FARP1: variants seen among roughly 807,000 people sequenced by gnomAD.
FARP1 encodes FERM, ARHGEF and pleckstrin domain-containing protein 1.
Under a neutral mutation model 128.8 loss-of-function variants are expected in FARP1, and 52 were observed. The observed-to-expected ratio is 0.40, with a 90% confidence interval of 0.32 to 0.51. The LOEUF is 0.51. Ranked by LOEUF, FARP1 falls within the 20% of genes least tolerant of loss-of-function variation. FARP1 has a pLI of 0.45. For missense variants in FARP1, 1,333 were observed against 1,367.9 expected (o/e 0.97, Z 0.40); for synonymous variants, 580 against 551.8 (o/e 1.05, Z -0.72).
rs554690999 is a variant in FARP1 at position 98,261,360 on chromosome 13, G to A, written c.171+47947G>A. On this transcript the variant is annotated intron_variant, in intron 2 of 26. Coordinates refer to ENST00000319562, the MANE Select transcript of FARP1 (RefSeq NM_005766.4). Reference sequence around the variant, plus strand: ...GCCCATCCTTGGGGGAAAGAGTGTTGCCTTCCAGAAGGACATCCGGGTGTC... The same window carrying A: ...GCCCATCCTTGGGGGAAAGAGTGTTACCTTCCAGAAGGACATCCGGGTGTC... 1.1e-4 allele frequency among the ~76,000 whole-genome samples: 16 copies of A among 152,154 alleles called. No individual in the cohort carries two copies. In the South Asian group the frequency reaches 2.9e-3, roughly 28 times the overall value.
chr13:98,371,483 T>C (rs1210981095), intron 5 of FARP1, among the ~76,000 whole-genome samples: 1 of 152,168 alleles, frequency 6.6e-6, no homozygotes, highest in Non-Finnish European at 1.5e-5. Context: ...CAGTGTGAAC[T>C]GACATTTAAG....
intron 2 of FARP1, among the ~76,000 whole-genome samples, chr13:98,248,651 C>G (rs971932488): frequency 2.6e-5 from 4 of 152,122 alleles, no homozygotes; most frequent in Admixed American, 6.6e-5. Flanking sequence ...CTTTCCTGGT[C>G]ATTTGTGGAC....
At chr13:98,378,344 A>C (rs1308815580) in intron 6 of FARP1, among the ~76,000 whole-genome samples, 4 of 152,240 alleles carry the variant, frequency 2.6e-5, no homozygotes, top group Non-Finnish European at 5.9e-5. Context: ...TTCAGAATTC[A>C]GTAAACCAAG....
chr13:98,273,105 A>G (rs573992421), intron 2 of FARP1, among the ~76,000 whole-genome samples: 4 of 152,210 alleles, frequency 2.6e-5, no homozygotes, highest in Non-Finnish European at 5.9e-5. Flanking sequence ...ATGAATCAAT[A>G]CAAGGTTAGT....
chr13:98,425,166 A>C (rs75836957), intron 17 of FARP1, among the ~76,000 whole-genome samples: 2,338 of 152,084 alleles, frequency 0.015, 63 homozygotes, highest in African/African-American at 0.054. Context: ...CATTATACCC[A>C]AAACAAGTGT....
chr13:98,433,018 C>T (rs1442847494), intron 18 of FARP1: 1 of 152,278 alleles, frequency 6.6e-6, no homozygotes, highest in Non-Finnish European at 1.5e-5. Flanking sequence ...AGGAGTTTTC[C>T]TGGGTGAAAG....
At chr13:98,224,924 C>G (rs1001530483) in intron 2 of FARP1, among the ~76,000 whole-genome samples, 1 of 152,154 alleles carries the variant, frequency 6.6e-6, no homozygotes, top group Non-Finnish European at 1.5e-5. Context: ...TTTTACCTCC[C>G]GACTGATCCT....
chr13:98,412,163 G>C (rs1350625587), intron 16 of FARP1, 129 bp downstream of exon 16: 2 of 837,780 alleles, frequency 2.4e-6, no homozygotes, highest in African/African-American at 1.7e-5. Context: ...CAACAAGTCA[G>C]CCTTCAAATG....
chr13:98,252,466 G>A (rs1372187118), intron 2 of FARP1, among the ~76,000 whole-genome samples: 1 of 152,196 alleles, frequency 6.6e-6, no homozygotes, highest in African/African-American at 2.4e-5. Flanking sequence ...ACAGAGTGAA[G>A]ATGACTTTTT....
chr13:98,276,289 C>T (rs1884650815), intron 2 of FARP1, among the ~76,000 whole-genome samples: 1 of 152,124 alleles, frequency 6.6e-6, no homozygotes. Flanking sequence ...TTAGAAGCAC[C>T]AGAGCCTGCT....
In FARP1 at chr13:98,453,113, A is replaced by G; in HGVS notation, c.*4796A>G. 6.3e-7 allele frequency: 1 copy of G among 1,599,110 alleles called. No homozygotes were observed. Among genetic ancestry groups the G allele is most frequent in the East Asian group, 2.2e-5 (1 of 44,798 alleles). On this transcript the variant is annotated 3_prime_UTR_variant, in exon 27 of 27. Coordinates refer to ENST00000319562, the MANE Select transcript of FARP1 (RefSeq NM_005766.4). Reference sequence around the variant, plus strand: ...AGCGAAGGCTCTCGTTGACTTTTAAAAAAGGAGGAGGATGAAGAAGGAAAA... The same window carrying G: ...AGCGAAGGCTCTCGTTGACTTTTAAGAAAGGAGGAGGATGAAGAAGGAAAA...
At chr13:98,444,309 G>A (rs1452537412) in intron 24 of FARP1, among the ~76,000 whole-genome samples, 14 of 152,296 alleles carry the variant, frequency 9.2e-5, no homozygotes, top group South Asian at 2.1e-4. Flanking sequence ...TTGTAGGCAC[G>A]GAGGGTTTGG....
intron 2 of FARP1, among the ~76,000 whole-genome samples, chr13:98,272,933 G>A (rs942653253): frequency 2.3e-4 from 35 of 152,156 alleles, no homozygotes; most frequent in Non-Finnish European, 4.4e-5. Flanking sequence ...TTGTGTTAAT[G>A]GAAAAACCAG....
intron 1 of FARP1, among the ~76,000 whole-genome samples, chr13:98,147,632 A>T (rs1279023676): frequency 6.6e-6 from 1 of 151,884 alleles, no homozygotes; most frequent in Non-Finnish European, 1.5e-5. Flanking sequence ...TTCAGGATCT[A>T]GTATAGTATC....
At chr13:98,336,009 CATT>C (rs1232557131) in intron 2 of FARP1, among the ~76,000 whole-genome samples, 4 of 152,258 alleles carry the variant, frequency 2.6e-5, no homozygotes, top group Middle Eastern at 3.4e-3. Flanking sequence ...CCTGGTCAAA[CATT>C]ATCAAGTTCT....
intron 5 of FARP1, among the ~76,000 whole-genome samples, chr13:98,374,166 G>C (rs1200632342): frequency 6.6e-6 from 1 of 152,202 alleles, no homozygotes; most frequent in African/African-American, 2.4e-5. Flanking sequence ...GCTCACATCT[G>C]TAATCCCAGC....
upstream of FARP1, among the ~76,000 whole-genome samples, chr13:98,142,941 G>GGCGGA (rs1215948351): frequency 6.2e-4 from 93 of 150,890 alleles, no homozygotes; most frequent in East Asian, 2.0e-3. Flanking sequence ...CACCTGCCCG[G>GGCGGA]GCGGAGCGGA....
intron 2 of FARP1, among the ~76,000 whole-genome samples, chr13:98,253,440 CTG>C (rs1477136494): frequency 2.6e-5 from 4 of 152,174 alleles, no homozygotes; most frequent in South Asian, 2.1e-4. Context: ...AGTGAAGAAA[CTG>C]AGACTCAGAT....
chr13:98,252,631 A>G (rs1473726008), intron 2 of FARP1, among the ~76,000 whole-genome samples: 1 of 152,096 alleles, frequency 6.6e-6, no homozygotes, highest in Non-Finnish European at 1.5e-5. Context: ...TGCCCTCCAA[A>G]ATGCCAGGTA....
Sources: gnomAD v4.1 joint callset for allele counts (sites outside exome capture counted in the v4.1 genomes callset) on GRCh38, gnomAD v4.1.1 for gene constraint, MANE v1.5 for transcripts, NCBI Gene and HGNC (gene_info 2026-07-23, HGNC 2026-07-21) for gene names.